The following ARHGEF4 variants were observed in gnomAD, a reference collection of about 807,000 sequenced individuals.
ARHGEF4 encodes the protein Rho guanine nucleotide exchange factor 4, also known as APC-stimulated guanine nucleotide exchange factor 1.
ARHGEF4 carries 119 observed loss-of-function variants against 162.0 expected under a neutral mutation model. The observed-to-expected ratio is 0.73, with a 90% CI of 0.63 to 0.86. The LOEUF is 0.86. Among genes scored for constraint, ARHGEF4 ranks in the 40% least tolerant of loss-of-function variants. The pLI, the probability that ARHGEF4 is intolerant of heterozygous loss-of-function variation, is 0.00. For synonymous variants in ARHGEF4, 1,014 were observed against 979.9 expected (o/e 1.03, Z -0.65); for missense variants, 2,488 against 2,456.0 (o/e 1.01, Z -0.28).
chr2:130,843,580 C>T (rs1680749793), intron 1 of ARHGEF4, among the ~76,000 whole-genome samples: 1 of 152,242 alleles, frequency 6.6e-6, no homozygotes, highest in African/African-American at 2.4e-5. Context: ...CCCCACTGCT[C>T]TTCCAAGGGG....
In ARHGEF4 at chr2:131,017,851, G is replaced by A. The variant is rs1688864610; in HGVS notation, c.3986-10094G>A. 2.0e-5 allele frequency among the ~76,000 whole-genome samples: 3 copies of A among 152,264 alleles called. No individual in the cohort carries two copies. The South Asian group carries it at 6.2e-4, about 32-fold the overall frequency. On this transcript the variant is annotated intron_variant, in intron 4 of 13. Transcript: ENST00000409359. ...GGATGGGAGGGCTCAACAGAGTAAA[G>A]ATTTCAGTTGTCTCCGAGTTGATAC...
Position 131,041,962 on chromosome 2 carries a change from C to A in ARHGEF4, c.5025+18C>A, listed in dbSNP as rs1690849954. 1 of 1,607,652 alleles carries A rather than the reference C, an allele frequency of 6.2e-7. No individual in the cohort carries two copies. Among genetic ancestry groups the A allele is most frequent in the Admixed American group, 1.7e-5 (1 of 59,206 alleles). ...ACTGGGAGGTGAGGGCCTGGGGGCA[C>A]AGAAAATTCCAGGAGGTCTTGGCCC... On this transcript the variant is annotated intron_variant, in intron 10 of 13. Coordinates refer to ENST00000409359, the MANE Select transcript of ARHGEF4 (RefSeq NM_001367493.1).
In ARHGEF4 at chr2:130,871,502, C is replaced by T. The variant is rs188879634; in HGVS notation, c.39+34510C>T. Among the ~76,000 whole-genome samples the T allele has an allele frequency of 2.8e-3, 423 of 151,880 alleles. 3 individuals carry two copies. Among genetic ancestry groups the T allele is most frequent in the Non-Finnish European group, 4.0e-3 (270 of 67,980 alleles). ...GGTAAGCCAAGATCGAGTCATTGTA[C>T]TCCAGCCTGGGCGGCAAGAGCAAAA... On this transcript the variant is annotated intron_variant, in intron 1 of 13. Transcript: ENST00000409359.
rs117111864 is a variant in ARHGEF4 at position 130,947,404 on chromosome 2, A to T, written c.3985+769A>T. 1.7e-3 allele frequency among the ~76,000 whole-genome samples: 253 copies of T among 152,188 alleles called. 4 individuals carry two copies. The East Asian group carries it at 0.036, about 22-fold the overall frequency. On this transcript the variant is annotated intron_variant, in intron 4 of 13. Transcript: ENST00000409359. ...GTGATACTCCGTCTCAAGAAAAAATAAAAAAAGGAATTCCTAGAGTCCCCC... is the reference window on the plus strand; with the variant it reads ...GTGATACTCCGTCTCAAGAAAAAATTAAAAAAGGAATTCCTAGAGTCCCCC...
In ARHGEF4 at chr2:131,046,377, C is replaced by T. The variant is rs1163302363; in HGVS notation, c.*188C>T. The T allele has an allele frequency of 9.4e-6, 6 of 637,048 alleles. No individual in the cohort carries two copies. The highest frequency in any genetic ancestry group is 3.7e-5 in the African/African-American group (2 of 54,430). The allele number at this position is 637,048 out of a possible 1,614,324, so 39.5% of individuals were successfully genotyped here. ...TGTCTTTTTCCCTGCTCCTGGTGCC[C>T]TGAAGAGACCAGCAAGGGGGCAGAC... is the stretch of plus-strand genomic sequence containing the variant. On this transcript the variant is annotated 3_prime_UTR_variant, in exon 14 of 14. Coordinates refer to ENST00000409359, the MANE Select transcript of ARHGEF4 (RefSeq NM_001367493.1).
rs749045244 is a variant in ARHGEF4, at chr2:130,916,831, G to A, written c.2885G>A (p.Gly962Glu). Reference sequence around the variant, plus strand: ...GCGTTTCTGAAAAGCAAAGATGCCGGAAGCCCCAAAAAGCCCACCCTAGTG... The same window carrying A: ...GCGTTTCTGAAAAGCAAAGATGCCGAAAGCCCCAAAAAGCCCACCCTAGTG... The part of the protein sequence containing the change: ...WRAFLKSKDA[G>E]SPKKPTLVSL... The change falls in exon 2 of 14, where the codon GGA becomes GAA. Residue 962 changes from glycine (G) to glutamate (E), a missense_variant. By Grantham distance (98) the Gly-to-Glu change is moderately conservative (BLOSUM62 -2). Coordinates refer to ENST00000409359, the MANE Select transcript of ARHGEF4 (RefSeq NM_001367493.1). 1.3e-6 allele frequency: 2 copies of A among 1,550,270 alleles called. No homozygotes were observed. Among genetic ancestry groups the A allele is most frequent in the African/African-American group, 1.4e-5 (1 of 73,004 alleles).
intron 1 of ARHGEF4, among the ~76,000 whole-genome samples, chr2:130,850,839 C>G (rs1681360092): frequency 6.6e-6 from 1 of 152,246 alleles, no homozygotes; most frequent in African/African-American, 2.4e-5. Flanking sequence ...CAACAAGACC[C>G]CCTCAGATGG....
intron 4 of ARHGEF4, among the ~76,000 whole-genome samples, chr2:130,972,229 T>C (rs1425440745): frequency 6.6e-6 from 1 of 152,222 alleles, no homozygotes; most frequent in East Asian, 1.9e-4. Context: ...AATTTCCAAA[T>C]TCTGAGGGCT....
chr2:131,028,379 C>T (rs1193989209), intron 5 of ARHGEF4, among the ~76,000 whole-genome samples: 2 of 152,198 alleles, frequency 1.3e-5, no homozygotes, highest in Admixed American at 1.3e-4. Flanking sequence ...AAGAGCCATC[C>T]CAGCTGGAGG....
chr2:131,041,711 C>T (rs796184895), intron 9 of ARHGEF4, 104 bp from the exon 10 acceptor site: 2 of 1,487,650 alleles, frequency 1.3e-6, no homozygotes, highest in Non-Finnish European at 9.0e-7. Context: ...GGTCAAAGGG[C>T]ACAGCCCCAG....
Position 131,024,564 on chromosome 2 carries a change from C to T in ARHGEF4, c.3986-3381C>T, listed in dbSNP as rs187597840. ...TGCTGGGATTGCAGGCGTGAGCCAC[C>T]GCACCTGCCAATAAAAACATATTTT... is the stretch of plus-strand genomic sequence containing the variant. On this transcript the variant is annotated intron_variant, in intron 4 of 13. Transcript: ENST00000409359. Among the ~76,000 whole-genome samples, 574 of 152,238 alleles carry T rather than the reference C, an allele frequency of 3.8e-3. 2 individuals carry two copies. The highest frequency in any genetic ancestry group is 4.3e-3 in the Non-Finnish European group (290 of 68,022).
intron 4 of ARHGEF4, among the ~76,000 whole-genome samples, chr2:130,967,866 T>C (rs1446824170): frequency 6.6e-6 from 1 of 152,186 alleles, no homozygotes. Flanking sequence ...GGCCAGGAGA[T>C]ACCAGGCACC....
chr2:131,036,716 C>G (rs1690313579), intron 5 of ARHGEF4, among the ~76,000 whole-genome samples: 1 of 152,236 alleles, frequency 6.6e-6, no homozygotes, highest in African/African-American at 2.4e-5. Flanking sequence ...TGGTTAATAT[C>G]AGGCAGGAAC....
chr2:130,983,303 C>T (rs1686248493), intron 4 of ARHGEF4, among the ~76,000 whole-genome samples: 1 of 152,198 alleles, frequency 6.6e-6, no homozygotes, highest in Non-Finnish European at 1.5e-5. Context: ...AAGTTAACTA[C>T]ATGGGCATTG....
intron 2 of ARHGEF4, among the ~76,000 whole-genome samples, chr2:130,919,674 G>A (rs1055583614): frequency 2.0e-5 from 3 of 152,030 alleles, no homozygotes; most frequent in African/African-American, 4.8e-5. Context: ...TCAGAAGTTC[G>A]AGACCAGCCT....
In ARHGEF4 at chr2:130,913,967, T is replaced by C; in HGVS notation, c.40-19T>C. 1 of 1,535,940 alleles carries C rather than the reference T, an allele frequency of 6.5e-7. No homozygotes were observed. The highest frequency in any genetic ancestry group is 8.7e-7 in the Non-Finnish European group (1 of 1,146,842). On this transcript the variant is annotated intron_variant, in intron 1 of 13. Transcript: ENST00000409359. ...GTACTCAGGCCTTGTCTCTGACTCC[T>C]CTCTTCTTGCCCTCCCAGACTCCAG... is the stretch of plus-strand genomic sequence containing the variant.
chr2:130,886,546 T>C (rs188262908), intron 1 of ARHGEF4, among the ~76,000 whole-genome samples: 2,541 of 151,814 alleles, frequency 0.017, 96 homozygotes, highest in African/African-American at 0.057. Context: ...CCAGGCATGG[T>C]GGCGGGCACC....
chr2:130,946,687 G>A, intron 4 of ARHGEF4, 52 bp downstream of exon 4: 1 of 1,608,842 alleles, frequency 6.2e-7, no homozygotes, highest in Non-Finnish European at 8.5e-7. Flanking sequence ...CTGGCATGAA[G>A]GACAAGAAGC....
intron 4 of ARHGEF4, among the ~76,000 whole-genome samples, chr2:130,957,431 A>G (rs1684356684): frequency 6.6e-6 from 1 of 152,248 alleles, no homozygotes; most frequent in Admixed American, 6.5e-5. Context: ...AAATTTATAG[A>G]GACAATAATC....
Sources: allele counts gnomAD v4.1 joint callset (sites outside exome capture counted in the v4.1 genomes callset), GRCh38; gene constraint gnomAD v4.1.1; transcripts MANE v1.5; gene names NCBI Gene and HGNC (gene_info 2026-07-23, HGNC 2026-07-21).